The following ERBB4 variants were observed in gnomAD, a reference collection of about 807,000 sequenced individuals.
The protein encoded by ERBB4 is erb-b2 receptor tyrosine kinase 4.
Under a neutral mutation model 158.0 loss-of-function variants are expected in ERBB4, and 42 were observed. The observed-to-expected ratio is 0.27, with a 90% CI of 0.21 to 0.34. The LOEUF (loss-of-function observed/expected upper bound fraction) is 0.34. Among genes scored for constraint, ERBB4 ranks in the 10% least tolerant of loss-of-function variants. ERBB4 has a pLI of 1.00. For missense variants in ERBB4, 1,333 were observed against 1,624.1 expected, an observed-to-expected ratio of 0.82 and a Z score of 3.08; for synonymous variants, 583 against 558.7, an observed-to-expected ratio of 1.04 and a Z score of -0.61.
chr2:211,707,493 T>A (rs191625130), intron 9 of ERBB4, among the ~76,000 whole-genome samples: 2 of 152,160 alleles, frequency 1.3e-5, no homozygotes, highest in East Asian at 3.8e-4. Flanking sequence ...GAAATCACTT[T>A]ATTTTATCAT....
At chr2:211,697,081 G>A (rs2073053574) in intron 12 of ERBB4, among the ~76,000 whole-genome samples, 1 of 152,120 alleles carries the variant, frequency 6.6e-6, no homozygotes, top group Non-Finnish European at 1.5e-5. Flanking sequence ...TCCAAAACTG[G>A]AAATATCATT....
chr2:211,978,388 G>GTCTTTCTATCTA (rs1230858327), intron 2 of ERBB4, among the ~76,000 whole-genome samples: 7 of 112,482 alleles, frequency 6.2e-5, no homozygotes, highest in East Asian at 2.4e-4. Context: ...CTGTCTGTCT[G>GTCTTTCTATCTA]TCTGTCTGTC....
At chr2:211,769,500 T>C (rs943915271) in intron 4 of ERBB4, among the ~76,000 whole-genome samples, 3 of 152,120 alleles carry the variant, frequency 2.0e-5, no homozygotes, top group Admixed American at 6.6e-5. Flanking sequence ...AAAGGATATA[T>C]AGGAAAGAGA....
chr2:211,528,566 C>T (rs920521313), intron 20 of ERBB4, among the ~76,000 whole-genome samples: 13 of 151,936 alleles, frequency 8.6e-5, no homozygotes, highest in African/African-American at 2.7e-4. Context: ...AATTCCTTTC[C>T]TCAGCATACA....
intron 12 of ERBB4, among the ~76,000 whole-genome samples, chr2:211,699,159 G>C (rs1447287723): frequency 6.6e-6 from 1 of 152,182 alleles, no homozygotes; most frequent in Non-Finnish European, 1.5e-5. Flanking sequence ...GATGGTGACT[G>C]CATGTAAATG....
At chr2:212,082,269 T>A (rs1366860182) in intron 2 of ERBB4, among the ~76,000 whole-genome samples, 1 of 152,098 alleles carries the variant, frequency 6.6e-6, no homozygotes, top group Non-Finnish European at 1.5e-5. Context: ...AATATTTATA[T>A]GGTCACATAT....
intron 19 of ERBB4, among the ~76,000 whole-genome samples, chr2:211,612,944 G>A (rs1272683440): frequency 6.6e-6 from 1 of 151,992 alleles, no homozygotes; most frequent in Non-Finnish European, 1.5e-5. Context: ...TTCTGGTAGG[G>A]ACAATAGGGT....
At chr2:212,464,145 C>A (rs1160979617) in intron 1 of ERBB4, among the ~76,000 whole-genome samples, 1 of 152,098 alleles carries the variant, frequency 6.6e-6, no homozygotes. Flanking sequence ...ACCCTGAAAT[C>A]AAATCATCTT....
chr2:211,550,707 A>AATATATATATAT (rs139062710), intron 20 of ERBB4, among the ~76,000 whole-genome samples: 1 of 137,156 alleles, frequency 7.3e-6, no homozygotes. Flanking sequence ...TATATATAGG[A>AATATATATATAT]ATATATATAT....
chr2:211,597,849 A>T (rs1452930740), intron 19 of ERBB4, among the ~76,000 whole-genome samples: 2 of 152,194 alleles, frequency 1.3e-5, no homozygotes, highest in Non-Finnish European at 2.9e-5. Context: ...TTCAAAAAAA[A>T]TCAGCTTTTT....
intron 2 of ERBB4, among the ~76,000 whole-genome samples, chr2:211,965,739 G>A (rs929518185): frequency 2.0e-5 from 3 of 151,974 alleles, no homozygotes; most frequent in African/African-American, 7.2e-5. Flanking sequence ...CCTTCTCACA[G>A]AACATATTTT....
rs1457701050 is a variant in ERBB4, at chr2:211,516,771, T to C, written c.2487+45132A>G. ...GATTATTGCATCTCTAAGGGACAGATTTCACGGTAGAAGCAAGAAGTAGTA... is the reference window on the plus strand; with the variant it reads ...GATTATTGCATCTCTAAGGGACAGACTTCACGGTAGAAGCAAGAAGTAGTA... On this transcript the variant is annotated intron_variant, in intron 20 of 27. Transcript: ENST00000342788. Among the ~76,000 whole-genome samples, 13 of 152,106 alleles carry C rather than the reference T, an allele frequency of 8.5e-5. No homozygotes were observed. The East Asian group carries it at 2.5e-3, about 29-fold the overall frequency.
At chr2:211,824,846 G>A (rs1182795951) in intron 3 of ERBB4, among the ~76,000 whole-genome samples, 1 of 151,806 alleles carries the variant, frequency 6.6e-6, no homozygotes, top group Non-Finnish European at 1.5e-5. Flanking sequence ...AATTTGCAGT[G>A]GCACCAACTT....
rs375402025 is a variant in ERBB4 at position 211,509,774 on chromosome 2, T to C, written c.2487+52129A>G. ...AAAAATAACCAAACCCATTAAAAAG[T>C]GGGCAGAGGACAGAAACAGACTTTG... On this transcript the variant is annotated intron_variant, in intron 20 of 27. Transcript: ENST00000342788. Among the ~76,000 whole-genome samples, 8 of 152,120 alleles carry C rather than the reference T, an allele frequency of 5.3e-5. No homozygotes were observed. The East Asian group carries it at 1.4e-3, about 26-fold the overall frequency.
chr2:212,498,078 G>A (rs1035725554), intron 1 of ERBB4, among the ~76,000 whole-genome samples: 4 of 143,400 alleles, frequency 2.8e-5, no homozygotes, highest in African/African-American at 9.9e-5. Flanking sequence ...ATCCTACAGG[G>A]AAACAAAAGC....
chr2:212,030,401 T>A (rs1480212298), intron 2 of ERBB4, among the ~76,000 whole-genome samples: 1 of 152,132 alleles, frequency 6.6e-6, no homozygotes, highest in East Asian at 1.9e-4. Flanking sequence ...CTCACTCTCT[T>A]GGTTTAAATT....
chr2:212,123,821 C>T (rs113213632), intron 2 of ERBB4, among the ~76,000 whole-genome samples: 1 of 152,098 alleles, frequency 6.6e-6, no homozygotes, highest in Non-Finnish European at 1.5e-5. Flanking sequence ...AAATAATTTA[C>T]TATCCACTAA....
intron 3 of ERBB4, among the ~76,000 whole-genome samples, chr2:211,804,414 T>A (rs985602029): frequency 6.6e-6 from 1 of 152,166 alleles, no homozygotes; most frequent in Admixed American, 6.5e-5. Flanking sequence ...GCTTATTTCA[T>A]AATGCTGAAT....
intron 2 of ERBB4, among the ~76,000 whole-genome samples, chr2:212,092,989 G>A (rs1559483128): frequency 6.6e-6 from 1 of 152,030 alleles, no homozygotes; most frequent in Non-Finnish European, 1.5e-5. Context: ...AGAAACACAG[G>A]GAAATTATTG....
Sources: allele counts gnomAD v4.1 joint callset (sites outside exome capture counted in the v4.1 genomes callset), GRCh38; gene constraint gnomAD v4.1.1; transcripts MANE v1.5; gene names NCBI Gene and HGNC (gene_info 2026-07-23, HGNC 2026-07-21).